Variants in PCDHGB3 observed in about 807,000 individuals in gnomAD.
The protein encoded by PCDHGB3 is protocadherin gamma-B3.
Under a neutral mutation model 59.2 loss-of-function variants are expected in PCDHGB3, and 40 were observed. The observed-to-expected ratio is 0.68, with a 90% CI of 0.52 to 0.88. The LOEUF (loss-of-function observed/expected upper bound fraction) is 0.88, where lower values mean the gene tolerates loss of function less well. PCDHGB3 is among the 40% of genes least tolerant of loss of function. PCDHGB3 has a pLI of 0.00. For synonymous variants in PCDHGB3, 581 were observed against 503.6 expected (o/e 1.15, Z -2.06); for missense variants, 1,309 against 1,187.9 (o/e 1.10, Z -1.50).
intron 1 of PCDHGB3, chr5:141,399,734 C>T: frequency 6.2e-7 from 1 of 1,613,338 alleles, no homozygotes; most frequent in Non-Finnish European, 8.5e-7. Context: ...CAGGGCTCGC[C>T]TGCGCTCAGC....
intron 1 of PCDHGB3, chr5:141,375,005 G>A (rs757710290): frequency 1.2e-6 from 2 of 1,613,892 alleles, no homozygotes; most frequent in African/African-American, 2.7e-5. Context: ...TGCAAATCTA[G>A]ACTATGAGGA....
intron 1 of PCDHGB3, chr5:141,422,099 A>C (rs374091819): frequency 6.2e-7 from 1 of 1,609,706 alleles, no homozygotes; most frequent in Non-Finnish European, 8.5e-7. Context: ...AAGGCTTCTG[A>C]AATATTCCAA....
intron 1 of PCDHGB3, chr5:141,403,323 C>G: frequency 6.2e-7 from 1 of 1,613,958 alleles, no homozygotes; most frequent in Non-Finnish European, 8.5e-7. Flanking sequence ...ATAGAAGTAA[C>G]TGATATTAAC....
At chr5:141,438,763 G>C (rs537316602) in intron 1 of PCDHGB3, among the ~76,000 whole-genome samples, 1 of 149,962 alleles carries the variant, frequency 6.7e-6, no homozygotes, top group South Asian at 2.1e-4. Context: ...CTGGGTTCAA[G>C]CGATTCTCCT....
At chr5:141,457,940 T>G (rs541807221) in intron 1 of PCDHGB3, among the ~76,000 whole-genome samples, 2 of 152,356 alleles carry the variant, frequency 1.3e-5, no homozygotes, top group East Asian at 3.9e-4. Flanking sequence ...TTTTATTGGC[T>G]CTGCATGTCA....
In PCDHGB3 at chr5:141,423,272, T is replaced by C. The variant is rs372798900; in HGVS notation, c.2415+50463T>C. On this transcript the variant is annotated intron_variant, in intron 1 of 3. Coordinates refer to ENST00000576222, the MANE Select transcript of PCDHGB3 (RefSeq NM_018924.5). ...GCGGACCTCGGCAGCCTCGAGTCTC[T>C]GGCTAACTCTGAAACCTCAGACCTC... 36 of 1,613,586 alleles carry C rather than the reference T, an allele frequency of 2.2e-5. No individual in the cohort carries two copies. In the African/African-American group the frequency reaches 4.4e-4, roughly 20 times the overall value.
Position 141,371,628 on chromosome 5 carries a change from C to G in PCDHGB3, c.1234C>G (p.Arg412Gly), listed in dbSNP as rs1247615659. Residue 412 changes from arginine (R) to glycine (G), a missense_variant, in exon 1 of 4, where the codon CGG (arginine) becomes GGG (glycine). Coordinates refer to ENST00000576222, the MANE Select transcript of PCDHGB3 (RefSeq NM_018924.5). Reference sequence around the variant, plus strand: ...GTTGGTGACAGATGGAGCCCTGGACCGGGAGCAGATCCCAGAATACAATGT... The same window carrying G: ...GTTGGTGACAGATGGAGCCCTGGACGGGGAGCAGATCCCAGAATACAATGT... ...YRLVTDGALD[R>G]EQIPEYNVTI... The G allele has an allele frequency of 6.2e-7, 1 of 1,614,006 alleles. No individual in the cohort carries two copies. Among genetic ancestry groups the G allele is most frequent in the Non-Finnish European group, 8.5e-7 (1 of 1,179,894 alleles).
chr5:141,382,567 T>G (rs1778294618), intron 1 of PCDHGB3, among the ~76,000 whole-genome samples: 1 of 152,132 alleles, frequency 6.6e-6, no homozygotes, highest in African/African-American at 2.4e-5. Context: ...AGCAAAGAAA[T>G]CTAACAGGGA....
At position 141,384,450 on chromosome 5, in the gene PCDHGB3, G is replaced by A. The variant is rs756281053; in HGVS notation, c.2415+11641G>A. On this transcript the variant is annotated intron_variant, in intron 1 of 3. Coordinates refer to ENST00000576222, the MANE Select transcript of PCDHGB3 (RefSeq NM_018924.5). ...CTGACACTGGAGTCCTGTACGCGCT[G>A]CAATCCTTTGATTATGAGCAGTTGA... is the stretch of plus-strand genomic sequence containing the variant. 4 of 1,614,040 alleles carry A rather than the reference G, an allele frequency of 2.5e-6. No homozygotes were observed. In the Admixed American group the frequency reaches 6.7e-5, roughly 27 times the overall value.
intron 1 of PCDHGB3, among the ~76,000 whole-genome samples, chr5:141,474,669 C>T (rs983136753): frequency 6.6e-6 from 1 of 152,198 alleles, no homozygotes; most frequent in Non-Finnish European, 1.5e-5. Flanking sequence ...CCTACCTAAC[C>T]TATGTGCCTA....
chr5:141,398,135 G>C, intron 1 of PCDHGB3: 1 of 1,556,792 alleles, frequency 6.4e-7, no homozygotes, highest in Non-Finnish European at 8.6e-7. Context: ...GGGATGGGGA[G>C]CGGCGCCGGG....
At chr5:141,409,617 C>A (rs2095293168) in intron 1 of PCDHGB3, 1 of 1,613,748 alleles carries the variant, frequency 6.2e-7, no homozygotes, top group South Asian at 1.1e-5. Context: ...GCCTCCATTG[C>A]GCAAGTGAGC....
rs1030000451 is a variant in PCDHGB3, at chr5:141,432,417, T to G, written c.2415+59608T>G. 2.5e-6 allele frequency: 4 copies of G among 1,614,124 alleles called. No individual in the cohort carries two copies. In the African/African-American group the frequency reaches 5.3e-5, roughly 22 times the overall value. On this transcript the variant is annotated intron_variant, in intron 1 of 3. Coordinates refer to ENST00000576222, the MANE Select transcript of PCDHGB3 (RefSeq NM_018924.5). This position sits in a 1 kb window ranked among gnomAD's most constrained non-coding sequence, Gnocchi z 6.0. The stretch of plus-strand genomic sequence containing the variant: ...AACGTGTCGTTGAGCCTGTTCGTGC[T>G]GGACCAGAACGACAATGCGCCCGAG...
chr5:141,400,133 C>T, intron 1 of PCDHGB3: 1 of 1,614,066 alleles, frequency 6.2e-7, no homozygotes, highest in Non-Finnish European at 8.5e-7. Context: ...GAGGTGCTGC[C>T]GGATATCACT....
Position 141,415,396 on chromosome 5 carries a change from G to A in PCDHGB3, c.2415+42587G>A, listed in dbSNP as rs11575962. 4,865 of 1,614,204 alleles carry A rather than the reference G, an allele frequency of 3.0e-3. 27 individuals are homozygous for A. The highest frequency in any genetic ancestry group is 0.011 in the Admixed American group (656 of 60,024). ...AGGAGGCGGCTTGACAGGTGTGTCC[G>A]GCTCGCACTTTGTGGGCGTGGACGG... On this transcript the variant is annotated intron_variant, in intron 1 of 3. Coordinates refer to ENST00000576222, the MANE Select transcript of PCDHGB3 (RefSeq NM_018924.5).
intron 1 of PCDHGB3, chr5:141,417,619 C>A: frequency 1.5e-6 from 1 of 656,120 alleles, no homozygotes; most frequent in South Asian, 2.4e-5. Flanking sequence ...CAGTGCAGAG[C>A]AAGCGCTGAC....
intron 1 of PCDHGB3, among the ~76,000 whole-genome samples, chr5:141,373,074 A>G (rs910796457): frequency 6.6e-6 from 1 of 152,228 alleles, no homozygotes; most frequent in Non-Finnish European, 1.5e-5. Flanking sequence ...TTTTTAATAC[A>G]GTATTATCTC....
chr5:141,426,371 C>T (rs987346395), intron 1 of PCDHGB3: 4 of 217,048 alleles, frequency 1.8e-5, no homozygotes, highest in African/African-American at 9.0e-5. Context: ...TGCGGGGCAC[C>T]CTCGGAGCAG....
intron 1 of PCDHGB3, among the ~76,000 whole-genome samples, chr5:141,430,360 T>C (rs570966246): frequency 1.8e-4 from 27 of 151,522 alleles, no homozygotes; most frequent in Middle Eastern, 3.4e-3. Flanking sequence ...TAAAAGCTCA[T>C]TGGGGAAAAA....
Sources: gnomAD v4.1 joint callset for allele counts (sites outside exome capture counted in the v4.1 genomes callset) on GRCh38, gnomAD v4.1.1 for gene constraint, Gnocchi (gnomAD v3.1) non-coding constraint, MANE v1.5 for transcripts, NCBI Gene and HGNC (gene_info 2026-07-23, HGNC 2026-07-21) for gene names.